Variants in ANKS1B observed in about 807,000 individuals in gnomAD.
The protein encoded by ANKS1B is ankyrin repeat and sterile alpha motif domain containing 1B.
In ANKS1B, 36 loss-of-function variants were observed where a neutral mutation model predicts 148.3. The ratio of observed to expected loss-of-function variants is 0.24; its 90% CI spans 0.19 to 0.32. ANKS1B has a LOEUF of 0.32. ANKS1B is among the 10% of genes least tolerant of loss of function. ANKS1B has a pLI of 1.00. For synonymous variants in ANKS1B, 542 were observed against 560.8 expected (o/e 0.97, Z 0.47); for missense variants, 1,157 against 1,542.6 (o/e 0.75, Z 4.19).
intron 15 of ANKS1B, among the ~76,000 whole-genome samples, chr12:99,150,152 A>T (rs1297395325): frequency 6.6e-6 from 1 of 152,180 alleles, no homozygotes; most frequent in Non-Finnish European, 1.5e-5. Context: ...TAAGGCTTCC[A>T]GTTTAAAAAT....
intron 14 of ANKS1B, among the ~76,000 whole-genome samples, chr12:99,168,417 G>A (rs1189372596): frequency 2.6e-5 from 4 of 151,814 alleles, no homozygotes; most frequent in Non-Finnish European, 5.9e-5. Context: ...TACTCAGGAG[G>A]TTGAGGCAGG....
intron 8 of ANKS1B, among the ~76,000 whole-genome samples, chr12:99,753,382 A>C (rs2061287844): frequency 6.6e-6 from 1 of 152,188 alleles, no homozygotes; most frequent in Admixed American, 6.6e-5. Context: ...AACAGAAAGA[A>C]ATATCATTGG....
intron 9 of ANKS1B, among the ~76,000 whole-genome samples, chr12:99,603,897 A>C (rs1288581270): frequency 6.6e-6 from 1 of 152,090 alleles, no homozygotes; most frequent in Admixed American, 6.6e-5. Flanking sequence ...TAGCAGTCTC[A>C]TTAAGTCATC....
intron 1 of ANKS1B, among the ~76,000 whole-genome samples, chr12:99,888,275 TC>T (rs1436133631): frequency 6.6e-6 from 1 of 152,240 alleles, no homozygotes; most frequent in African/African-American, 2.4e-5. Flanking sequence ...AAATATTTTT[TC>T]TTTAGATGAA....
In ANKS1B at chr12:99,604,523, A is replaced by T. The variant is rs1378479466; in HGVS notation, c.1272+50544T>A. ...TTATTAATCAAAATGACAATAAAAA[A>T]TGTTTAAGAGGCTGGGTGGAGTGCC... On this transcript the variant is annotated intron_variant, in intron 9 of 26. Transcript: ENST00000683438. 2.0e-5 allele frequency among the ~76,000 whole-genome samples: 3 copies of T among 152,052 alleles called. 1 individual carries two copies. The highest frequency in any genetic ancestry group is 4.4e-5 in the Non-Finnish European group (3 of 68,002).
At chr12:99,279,916 A>T (rs545700341) in intron 12 of ANKS1B, among the ~76,000 whole-genome samples, 17 of 152,154 alleles carry the variant, frequency 1.1e-4, no homozygotes, top group African/African-American at 3.9e-4. Flanking sequence ...AGGTCGGAGG[A>T]TCACCTGAGC....
At chr12:99,643,961 G>A (rs941620869) in intron 9 of ANKS1B, among the ~76,000 whole-genome samples, 1 of 152,140 alleles carries the variant, frequency 6.6e-6, no homozygotes, top group African/African-American at 2.4e-5. Context: ...AAATTTCAGT[G>A]TTTTTTGCAA....
chr12:99,253,376 G>A (rs1196347750), intron 12 of ANKS1B, among the ~76,000 whole-genome samples: 1 of 152,148 alleles, frequency 6.6e-6, no homozygotes, highest in Non-Finnish European at 1.5e-5. Flanking sequence ...TGAGGTAGTA[G>A]CAGGAAGCCT....
chr12:99,901,497 T>C (rs922808214), intron 1 of ANKS1B, among the ~76,000 whole-genome samples: 2 of 152,190 alleles, frequency 1.3e-5, no homozygotes, highest in Non-Finnish European at 2.9e-5. Flanking sequence ...GTAGGCTCTC[T>C]GCACACTGTG....
chr12:98,767,735 C>T (rs916163359), intron 25 of ANKS1B, among the ~76,000 whole-genome samples: 1 of 152,252 alleles, frequency 6.6e-6, no homozygotes, highest in African/African-American at 2.4e-5. Context: ...GCATCAAAAT[C>T]TTTCTATGTT....
chr12:98,960,678 C>A (rs2099869815), intron 17 of ANKS1B, among the ~76,000 whole-genome samples: 1 of 151,654 alleles, frequency 6.6e-6, no homozygotes, highest in African/African-American at 2.4e-5. Context: ...AGGGACCAAT[C>A]CCAGAGAGAC....
At chr12:98,845,359 T>C (rs1244997737) in intron 17 of ANKS1B, among the ~76,000 whole-genome samples, 2 of 152,170 alleles carry the variant, frequency 1.3e-5, no homozygotes, top group African/African-American at 4.8e-5. Flanking sequence ...AGAGATGCTG[T>C]GTGGCTCAAG....
chr12:99,460,209 G>A (rs985638445), intron 10 of ANKS1B, among the ~76,000 whole-genome samples: 2 of 152,052 alleles, frequency 1.3e-5, no homozygotes, highest in Admixed American at 1.3e-4. Flanking sequence ...TAATTGGCAA[G>A]CCACGTAAAA....
chr12:99,513,095 C>G (rs1012924981), intron 9 of ANKS1B, among the ~76,000 whole-genome samples: 2 of 151,872 alleles, frequency 1.3e-5, no homozygotes, highest in African/African-American at 2.4e-5. Context: ...TAAGCTCCAG[C>G]AACCATTACT....
rs1406084515 is a variant in ANKS1B at position 99,984,704 on chromosome 12, G to C, written c.-467C>G. The stretch of plus-strand genomic sequence containing the variant: ...GCCCGCGCGCCCTCGCGCCCGACCC[G>C]GGCTCGCCTCGGCTTCCTCGGCGGT... On this transcript the variant is annotated 5_prime_UTR_variant, in exon 1 of 27. Transcript: ENST00000683438. 1 of 152,274 alleles carries C rather than the reference G, an allele frequency of 6.6e-6. No individual in the cohort carries two copies. The highest frequency in any genetic ancestry group is 1.9e-4 in the East Asian group (1 of 5,154). 9.4% of individuals were successfully genotyped at this position (152,274 alleles called of 1,614,324 possible). A position where few individuals can be genotyped will look rare whatever the true frequency, so the allele number is the denominator to read the frequency against.
intron 22 of ANKS1B, among the ~76,000 whole-genome samples, chr12:98,789,043 G>A (rs75620838): frequency 0.076 from 11,543 of 152,230 alleles, 589 homozygotes; most frequent in Non-Finnish European, 0.11. Flanking sequence ...TTCAAGAGTT[G>A]TACCCAGAAT....
At chr12:99,455,152 T>C (rs1470679192) in intron 10 of ANKS1B, among the ~76,000 whole-genome samples, 3 of 152,176 alleles carry the variant, frequency 2.0e-5, no homozygotes, top group African/African-American at 7.2e-5. Flanking sequence ...ATTCATCTTC[T>C]ATATCTTTCT....
chr12:98,959,065 A>C (rs1027327286), intron 17 of ANKS1B, among the ~76,000 whole-genome samples: 1 of 152,200 alleles, frequency 6.6e-6, no homozygotes. Context: ...CTGACAAAAA[A>C]GTATTGATTC....
intron 1 of ANKS1B, among the ~76,000 whole-genome samples, chr12:99,957,693 A>G (rs900818823): frequency 6.6e-6 from 1 of 152,226 alleles, no homozygotes; most frequent in African/African-American, 2.4e-5. Context: ...ATGTATGGCA[A>G]TGGGCACAAT....
Sources: gnomAD v4.1 joint callset for allele counts (sites outside exome capture counted in the v4.1 genomes callset) on GRCh38, gnomAD v4.1.1 for gene constraint, MANE v1.5 for transcripts, NCBI Gene and HGNC (gene_info 2026-07-23, HGNC 2026-07-21) for gene names.